The following FSHR variants were observed in gnomAD, a reference collection of about 807,000 sequenced individuals.
The protein encoded by FSHR is follicle stimulating hormone receptor, also known as follicle-stimulating hormone receptor.
FSHR carries 46 observed loss-of-function variants against 52.1 expected under a neutral mutation model. That is an observed-to-expected ratio of 0.88 (90% confidence interval 0.70 to 1.13). FSHR has a LOEUF of 1.13. Ranked by LOEUF, FSHR falls within the 50% of genes most tolerant of loss-of-function variation. FSHR has a pLI of 0.00. For missense variants in FSHR, 964 were observed against 834.6 expected (o/e 1.16, Z -1.91); for synonymous variants, 399 against 309.6 (o/e 1.29, Z -3.03).
intron 1 of FSHR, among the ~76,000 whole-genome samples, chr2:49,080,441 C>A (rs1266727421): frequency 6.6e-6 from 1 of 152,016 alleles, no homozygotes; most frequent in African/African-American, 2.4e-5. Flanking sequence ...ACTTAAGTAC[C>A]CTCAAGTATG....
At chr2:49,069,359 C>A (rs543852259) in intron 1 of FSHR, among the ~76,000 whole-genome samples, 210 of 152,144 alleles carry the variant, frequency 1.4e-3, no homozygotes, top group African/African-American at 4.8e-3. Context: ...TATCTCAGAC[C>A]CCCATTTGCT....
intron 2 of FSHR, among the ~76,000 whole-genome samples, chr2:49,021,863 CTATATATATATATATATATA>C (rs1224896244): frequency 2.0e-5 from 1 of 49,860 alleles, no homozygotes; most frequent in Non-Finnish European, 3.7e-5. Flanking sequence ...CTCTCTCTCT[CTATATATATATATATATATA>C]TATAGAGAGA....
intron 2 of FSHR, among the ~76,000 whole-genome samples, chr2:49,067,820 C>T (rs752641362): frequency 1.3e-5 from 2 of 152,000 alleles, no homozygotes; most frequent in Non-Finnish European, 2.9e-5. Context: ...AACAAGAAGT[C>T]TAGAGAATCT....
At chr2:49,103,452 C>G (rs1671106690) in intron 1 of FSHR, among the ~76,000 whole-genome samples, 1 of 152,122 alleles carries the variant, frequency 6.6e-6, no homozygotes, top group East Asian at 1.9e-4. Flanking sequence ...CTCTGCTTGT[C>G]TTCTTCCAAG....
intron 1 of FSHR, among the ~76,000 whole-genome samples, chr2:49,135,420 A>C (rs1471976090): frequency 6.6e-6 from 1 of 152,198 alleles, no homozygotes; most frequent in Non-Finnish European, 1.5e-5. Context: ...AGATGAATGA[A>C]AATTAAGACA....
At chr2:49,140,751 T>C (rs1672656582) in intron 1 of FSHR, among the ~76,000 whole-genome samples, 1 of 151,656 alleles carries the variant, frequency 6.6e-6, no homozygotes, top group Non-Finnish European at 1.5e-5. Flanking sequence ...CATCTAGAAA[T>C]AAATCTTAGA....
At chr2:49,104,523 G>T (rs1231632773) in intron 1 of FSHR, among the ~76,000 whole-genome samples, 2 of 152,118 alleles carry the variant, frequency 1.3e-5, no homozygotes, top group Non-Finnish European at 2.9e-5. Flanking sequence ...AAATGTTCTT[G>T]TTCAGTCTTT....
At chr2:49,039,534 G>A (rs1203794960) in intron 2 of FSHR, among the ~76,000 whole-genome samples, 1 of 152,196 alleles carries the variant, frequency 6.6e-6, no homozygotes, top group East Asian at 1.9e-4. Flanking sequence ...TCATCAAAGT[G>A]TCTTCTTGGT....
intron 1 of FSHR, 65 bp downstream of exon 1, chr2:49,154,201 A>G (rs1673163394): frequency 2.0e-6 from 3 of 1,528,090 alleles, no homozygotes; most frequent in Non-Finnish European, 2.7e-6. Context: ...TAATGTAAAA[A>G]TAATAATAGT....
At chr2:49,083,893 A>G (rs1407168941) in intron 1 of FSHR, among the ~76,000 whole-genome samples, 1 of 151,220 alleles carries the variant, frequency 6.6e-6, no homozygotes, top group Non-Finnish European at 1.5e-5. Flanking sequence ...CACATTAATA[A>G]TGGGAGACTT....
chr2:49,122,015 T>A (rs1045294781), intron 1 of FSHR, among the ~76,000 whole-genome samples: 1 of 152,192 alleles, frequency 6.6e-6, no homozygotes, highest in Non-Finnish European at 1.5e-5. Context: ...TCAGGCAACA[T>A]GCATGCCACT....
chr2:49,013,719 G>C (rs189959744), intron 4 of FSHR, among the ~76,000 whole-genome samples: 2 of 151,374 alleles, frequency 1.3e-5, no homozygotes, highest in East Asian at 3.9e-4. Context: ...ACATAGCAGT[G>C]GATGTGCAAA....
chr2:48,991,911 G>A (rs1255249423), intron 4 of FSHR, among the ~76,000 whole-genome samples: 2 of 151,840 alleles, frequency 1.3e-5, no homozygotes, highest in African/African-American at 4.8e-5. Context: ...AGGACCATAT[G>A]TCCTTTTGAG....
intron 4 of FSHR, among the ~76,000 whole-genome samples, chr2:49,014,504 G>C (rs1033004029): frequency 6.6e-6 from 1 of 152,000 alleles, no homozygotes; most frequent in Non-Finnish European, 1.5e-5. Context: ...CCTCTGTCTG[G>C]AGCTGTGCTT....
intron 2 of FSHR, among the ~76,000 whole-genome samples, chr2:49,043,958 C>G (rs1368421352): frequency 6.6e-6 from 1 of 152,216 alleles, no homozygotes; most frequent in Non-Finnish European, 1.5e-5. Flanking sequence ...TGACATAGAT[C>G]TAACTCCCAC....
intron 1 of FSHR, among the ~76,000 whole-genome samples, chr2:49,143,543 G>C (rs114942720): frequency 0.015 from 2,322 of 152,146 alleles, 64 homozygotes; most frequent in African/African-American, 0.053. Context: ...GGAATTCCTG[G>C]GTAGAAATGG....
At chr2:49,049,939 G>A (rs1668795479) in intron 2 of FSHR, among the ~76,000 whole-genome samples, 3 of 151,658 alleles carry the variant, frequency 2.0e-5, no homozygotes, top group Admixed American at 2.0e-4. Flanking sequence ...TCTGATCTGG[G>A]CAGTTCTTAG....
Position 49,154,357 on chromosome 2 carries a change from G to T in FSHR, c.61C>A (p.Arg21=). 4 of 1,613,562 alleles carry T rather than the reference G, an allele frequency of 2.5e-6. No homozygotes were observed. The highest frequency in any genetic ancestry group is 3.4e-6 in the Non-Finnish European group (4 of 1,179,912). ...ACCCTGTTAGAGCAGTGACAGATCC[G>T]ATGATGACATCCTGAGCCCAAGCTC... ...FLSLGSGCHH[R]ICHCSNRVFL... is the part of the protein sequence containing the mutation. The change falls in exon 1 of 10, where the codon CGG becomes AGG. Residue 21 remains arginine (R), a synonymous_variant. Transcript: ENST00000406846.
intron 2 of FSHR, among the ~76,000 whole-genome samples, chr2:49,066,918 G>A (rs1669523582): frequency 6.6e-6 from 1 of 152,062 alleles, no homozygotes; most frequent in African/African-American, 2.4e-5. Flanking sequence ...AATACATCTT[G>A]AGCATAAAGC....
Sources: gnomAD v4.1 joint callset for allele counts (sites outside exome capture counted in the v4.1 genomes callset) on GRCh38, gnomAD v4.1.1 for gene constraint, MANE v1.5 for transcripts, NCBI Gene and HGNC (gene_info 2026-07-23, HGNC 2026-07-21) for gene names.